The following FGF12 variants were observed in gnomAD, a reference collection of about 807,000 sequenced individuals.
FGF12 encodes the protein fibroblast growth factor 12B.
A neutral mutation model predicts 23.6 loss-of-function variants in FGF12; 14 were observed. The observed-to-expected ratio is 0.59, with a 90% CI of 0.39 to 0.93. FGF12 has a LOEUF of 0.93. Among genes scored for constraint, FGF12 ranks in the 40% least tolerant of loss-of-function variants. The pLI is 0.00. For missense variants in FGF12, 175 were observed against 217.8 expected (o/e 0.80, Z 1.24); for synonymous variants, 62 against 77.3 (o/e 0.80, Z 1.04).
chr3:192,513,612 GAATC>G (rs1448043241), intron 2 of FGF12, among the ~76,000 whole-genome samples: 1 of 152,108 alleles, frequency 6.6e-6, no homozygotes, highest in Non-Finnish European at 1.5e-5. Flanking sequence ...ATAACCAAAT[GAATC>G]AGACTCTCCA....
intron 4 of FGF12, among the ~76,000 whole-genome samples, chr3:192,307,986 T>C (rs1254890312): frequency 1.3e-5 from 2 of 152,200 alleles, no homozygotes; most frequent in African/African-American, 4.8e-5. Flanking sequence ...TGTTTGTAAA[T>C]ATAGATTTGA....
rs371177119 is a variant in FGF12 at position 192,159,611 on chromosome 3, C to CAAT, written c.427+10844_427+10846dup. Among the ~76,000 whole-genome samples the CAAT allele has an allele frequency of 7.9e-5, 12 of 152,218 alleles. No individual in the cohort carries two copies. The East Asian group carries it at 2.3e-3, about 29-fold the overall frequency. ...TTCTATAATGTGAGAAAGTTCCACA[C>CAAT]AATAGAATAATTTTTCCAAACAAGA... On this transcript the variant is annotated intron_variant, in intron 5 of 5. Coordinates refer to ENST00000445105, the MANE Select transcript of FGF12 (RefSeq NM_004113.6).
intron 2 of FGF12, among the ~76,000 whole-genome samples, chr3:192,427,494 T>A (rs1278993070): frequency 1.3e-5 from 2 of 152,160 alleles, no homozygotes; most frequent in African/African-American, 4.8e-5. Flanking sequence ...AAAACACAGA[T>A]GAATTTTTAA....
At chr3:192,546,616 G>A (rs954106401) in intron 2 of FGF12, among the ~76,000 whole-genome samples, 31 of 152,022 alleles carry the variant, frequency 2.0e-4, no homozygotes, top group Admixed American at 2.0e-3. Context: ...GCTTTATGAG[G>A]GCAGGAACTT....
chr3:192,576,774 C>G (rs114722232), intron 2 of FGF12, among the ~76,000 whole-genome samples: 15 of 152,112 alleles, frequency 9.9e-5, no homozygotes, highest in African/African-American at 1.2e-4. Context: ...TATTGCGGCA[C>G]TATTCACAAT....
chr3:192,329,478 A>G (rs2108690210), intron 4 of FGF12, among the ~76,000 whole-genome samples: 2 of 152,330 alleles, frequency 1.3e-5, no homozygotes, highest in East Asian at 3.9e-4. Context: ...GCTTTATAAT[A>G]TCATACCAAA....
At chr3:192,699,920 C>T (rs1718239841) in intron 2 of FGF12, among the ~76,000 whole-genome samples, 1 of 152,182 alleles carries the variant, frequency 6.6e-6, no homozygotes, top group African/African-American at 2.4e-5. Context: ...CTAATCATTT[C>T]ATTGTATCCT....
intron 3 of FGF12, among the ~76,000 whole-genome samples, chr3:192,342,205 G>A (rs1481835792): frequency 1.3e-5 from 2 of 152,104 alleles, no homozygotes; most frequent in Admixed American, 6.6e-5. Flanking sequence ...AAATGAATTA[G>A]GAGTAGTTTC....
chr3:192,596,554 TGTCTTTCCCTAGGATACAAA>T (rs573839697), intron 2 of FGF12, among the ~76,000 whole-genome samples: 2,801 of 152,286 alleles, frequency 0.018, 35 homozygotes, highest in Non-Finnish European at 0.03. Context: ...AGGCTTGACA[TGTCTTTCCCTAGGATACAAA>T]GCAAATATAT....
intron 4 of FGF12, among the ~76,000 whole-genome samples, chr3:192,314,286 TTA>T (rs1491535260): frequency 0.033 from 4,843 of 148,008 alleles, 247 homozygotes; most frequent in African/African-American, 0.11. Context: ...AAAATTAAAA[TTA>T]AAAAAAAAAC....
intron 2 of FGF12, among the ~76,000 whole-genome samples, chr3:192,464,166 G>A (rs1722940743): frequency 6.6e-6 from 1 of 152,128 alleles, no homozygotes; most frequent in South Asian, 2.1e-4. Flanking sequence ...GGTCTGGGGG[G>A]AACATGTGGT....
chr3:192,442,628 C>G (rs1191447815), intron 2 of FGF12, among the ~76,000 whole-genome samples: 3 of 152,124 alleles, frequency 2.0e-5, no homozygotes, highest in Admixed American at 2.0e-4. Context: ...TGAATATCAT[C>G]ACACTGGTGT....
chr3:192,182,582 A>T (rs1272105924), intron 4 of FGF12, among the ~76,000 whole-genome samples: 1 of 152,142 alleles, frequency 6.6e-6, no homozygotes, highest in East Asian at 1.9e-4. Flanking sequence ...TATAGGAGGG[A>T]ATGAGAATAA....
Position 192,140,534 on chromosome 3 carries a change from A to G in FGF12, c.*3475T>C, listed in dbSNP as rs561291801. The G allele has an allele frequency of 6.6e-6, 1 of 152,140 alleles. No individual in the cohort carries two copies. The highest frequency in any genetic ancestry group is 6.5e-5 in the Admixed American group (1 of 15,274). The allele number at this position is 152,140 out of a possible 1,614,324, so 9.4% of individuals were successfully genotyped here. On this transcript the variant is annotated 3_prime_UTR_variant, in exon 6 of 6. Transcript: ENST00000445105. ...TCAGTGCTCCCAAATTAGGAATTCC[A>G]AACTTTTCAATATGCAACCTTTAAG...
At chr3:192,242,015 G>A (rs1035726525) in intron 4 of FGF12, among the ~76,000 whole-genome samples, 2 of 152,098 alleles carry the variant, frequency 1.3e-5, no homozygotes, top group Admixed American at 1.3e-4. Flanking sequence ...AGCTGAGGCA[G>A]TGTTCAGAAA....
chr3:192,616,740 C>T (rs1480737687), intron 2 of FGF12, among the ~76,000 whole-genome samples: 1 of 151,928 alleles, frequency 6.6e-6, no homozygotes, highest in Middle Eastern at 3.2e-3. Context: ...ATTATGTACA[C>T]CCTCATGTAT....
At chr3:192,670,092 C>A (rs990714326) in intron 2 of FGF12, among the ~76,000 whole-genome samples, 2 of 152,110 alleles carry the variant, frequency 1.3e-5, no homozygotes, top group Admixed American at 1.3e-4. Flanking sequence ...ATATCCCATA[C>A]GAGGCTGGAT....
At chr3:192,277,229 T>C (rs1044755584) in intron 4 of FGF12, among the ~76,000 whole-genome samples, 1 of 152,184 alleles carries the variant, frequency 6.6e-6, no homozygotes, top group African/African-American at 2.4e-5. Context: ...AAAGAATAGA[T>C]TGTTTCTAAG....
At chr3:192,262,776 G>A (rs995603101) in intron 4 of FGF12, among the ~76,000 whole-genome samples, 5 of 151,822 alleles carry the variant, frequency 3.3e-5, no homozygotes, top group Admixed American at 6.6e-5. Context: ...TAAGTGACAC[G>A]TGACTGTAAT....
Sources: allele counts gnomAD v4.1 joint callset (sites outside exome capture counted in the v4.1 genomes callset), GRCh38; gene constraint gnomAD v4.1.1; transcripts MANE v1.5; gene names NCBI Gene and HGNC (gene_info 2026-07-23, HGNC 2026-07-21).